Variants in AGPAT4 observed in about 807,000 individuals in gnomAD.
AGPAT4 encodes the protein 1-acyl-sn-glycerol-3-phosphate acyltransferase delta.
A neutral mutation model predicts 48.0 loss-of-function variants in AGPAT4; 15 were observed. That is an observed-to-expected ratio of 0.31 (90% confidence interval 0.21 to 0.48). The LOEUF (loss-of-function observed/expected upper bound fraction) is 0.48, where lower values mean the gene tolerates loss of function less well. AGPAT4 is among the 20% of genes least tolerant of loss of function. AGPAT4 has a pLI of 0.99. For missense variants in AGPAT4, 314 were observed against 482.5 expected (o/e 0.65, Z 3.27); for synonymous variants, 178 against 198.7 (o/e 0.90, Z 0.88).
chr6:161,154,281 C>A lies in AGPAT4; in HGVS notation c.378G>T (p.Leu126=). 6.2e-7 allele frequency: 1 copy of A among 1,614,202 alleles called. No homozygotes were observed. Among genetic ancestry groups the A allele is most frequent in the Non-Finnish European group, 8.5e-7 (1 of 1,180,030 alleles). The change falls in exon 4 of 9, where the codon CTG becomes CTT. Residue 126 remains leucine, a synonymous_variant. Coordinates refer to ENST00000320285, the MANE Select transcript of AGPAT4 (RefSeq NM_020133.3). The surrounding 1 kb of genome is among the most constrained non-coding windows in gnomAD (Gnocchi z 7.8). ...GGSKVLAKKE[L]AYVPIIGWMW... Reference sequence around the variant, plus strand: ...TCCAGCCGATAATTGGGACATAGGCCAGCTCTTTCTTGGCCAGGACCTTGG... The same window carrying A: ...TCCAGCCGATAATTGGGACATAGGCAAGCTCTTTCTTGGCCAGGACCTTGG...
chr6:161,148,178 TA>T lies in AGPAT4; in HGVS notation c.767+1008del, dbSNP rs1241731129. ...CTCACTTTACTCCTAGGAGAAGGTCTAAAGGTCTCCTTCGGGCAGGTGGGTG... is the reference window on the plus strand; with the variant it reads ...CTCACTTTACTCCTAGGAGAAGGTCTAAGGTCTCCTTCGGGCAGGTGGGTG... On this transcript the variant is annotated intron_variant, in intron 6 of 8. Coordinates refer to ENST00000320285, the MANE Select transcript of AGPAT4 (RefSeq NM_020133.3). The surrounding 1 kb of genome is among the most constrained non-coding windows in gnomAD (Gnocchi z 5.5). Among the ~76,000 whole-genome samples the T allele has an allele frequency of 2.6e-5, 4 of 152,336 alleles. No individual in the cohort carries two copies. The highest frequency in any genetic ancestry group is 6.5e-5 in the Admixed American group (1 of 15,308).
rs1415059400 is a variant in AGPAT4 at position 161,238,297 on chromosome 6, A to T, written c.-89-5995T>A. ...CTGCAAGGAGCAAGTATAGTAAAGC[A>T]TTGGAAACACTTGCCAGGATGCCTG... On this transcript the variant is annotated intron_variant, in intron 1 of 8. Transcript: ENST00000320285. This position sits in a 1 kb window ranked among gnomAD's most constrained non-coding sequence, Gnocchi z 5.2. 6.6e-6 allele frequency among the ~76,000 whole-genome samples: 1 copy of T among 152,206 alleles called. No homozygotes were observed. Among genetic ancestry groups the T allele is most frequent in the Non-Finnish European group, 1.5e-5 (1 of 68,040 alleles).
rs1194880645 is a variant in AGPAT4, at chr6:161,232,387, T to C, written c.-89-85A>G. On this transcript the variant is annotated intron_variant, in intron 1 of 8. Coordinates refer to ENST00000320285, the MANE Select transcript of AGPAT4 (RefSeq NM_020133.3). The surrounding 1 kb of genome is among the most constrained non-coding windows in gnomAD (Gnocchi z 6.8). ...AAAAAGTGCTCTGAAAAGAAAAATA[T>C]ACACTTGAGGTTAAACTCATGTGCG... 9.8e-6 allele frequency: 6 copies of C among 614,786 alleles called. No individual in the cohort carries two copies. The African/African-American group carries it at 1.1e-4, about 11-fold the overall frequency. The allele number at this position is 614,786 out of a possible 1,614,324, so 38.1% of individuals were successfully genotyped here.
chr6:161,193,844 G>A (rs1393760181), intron 2 of AGPAT4, among the ~76,000 whole-genome samples: 2 of 142,862 alleles, frequency 1.4e-5, no homozygotes, highest in East Asian at 1.9e-4. Context: ...ACAGCTCTTC[G>A]ATACTTTTAA....
intron 2 of AGPAT4, among the ~76,000 whole-genome samples, chr6:161,174,254 G>A (rs561915409): frequency 1.9e-4 from 29 of 152,194 alleles, no homozygotes; most frequent in East Asian, 9.7e-4. Context: ...CCATTTTCAC[G>A]ATATTTATTC....
rs117582557 is a variant in AGPAT4 at position 161,189,180 on chromosome 6, G to C, written c.179-22763C>G. 7.7e-4 allele frequency among the ~76,000 whole-genome samples: 117 copies of C among 152,346 alleles called. 2 individuals carry two copies. The East Asian group carries it at 0.021, about 28-fold the overall frequency. On this transcript the variant is annotated intron_variant, in intron 2 of 8. Transcript: ENST00000320285. This position sits in a 1 kb window ranked among gnomAD's most constrained non-coding sequence, Gnocchi z 5.3. Reference sequence around the variant, plus strand: ...GAGGCTGGTGAGTGGGCATGCAACAGTGTTGCTAAACCCGGATTGTCTGGC... The same window carrying C: ...GAGGCTGGTGAGTGGGCATGCAACACTGTTGCTAAACCCGGATTGTCTGGC...
In AGPAT4 at chr6:161,232,854, G is replaced by C. The variant is rs768443318; in HGVS notation, c.-89-552C>G. Among the ~76,000 whole-genome samples, 6 of 152,136 alleles carry C rather than the reference G, an allele frequency of 3.9e-5. No individual in the cohort carries two copies. Among genetic ancestry groups the C allele is most frequent in the Admixed American group, 6.5e-5 (1 of 15,276 alleles). ...AAGGACGAGGACATACCCAGAGTGG[G>C]TGCCACCCCTCAAGCAACCGGGACT... On this transcript the variant is annotated intron_variant, in intron 1 of 8. Transcript: ENST00000320285. The surrounding 1 kb of genome is among the most constrained non-coding windows in gnomAD (Gnocchi z 6.8).
chr6:161,261,171 C>T lies in AGPAT4; in HGVS notation c.-90+12767G>A, dbSNP rs916840161. Among the ~76,000 whole-genome samples, 3 of 152,202 alleles carry T rather than the reference C, an allele frequency of 2.0e-5. No homozygotes were observed. Among genetic ancestry groups the T allele is most frequent in the Admixed American group, 6.5e-5 (1 of 15,278 alleles). ...CCAGCTCCTTCTCCTCCCTGCCTCCCGCTGAACAGTCAGGTGCATCTTTCC... is the reference window on the plus strand; with the variant it reads ...CCAGCTCCTTCTCCTCCCTGCCTCCTGCTGAACAGTCAGGTGCATCTTTCC... On this transcript the variant is annotated intron_variant, in intron 1 of 8. Coordinates refer to ENST00000320285, the MANE Select transcript of AGPAT4 (RefSeq NM_020133.3). This position sits in a 1 kb window ranked among gnomAD's most constrained non-coding sequence, Gnocchi z 5.3.
At position 161,245,599 on chromosome 6, in the gene AGPAT4, G is replaced by A. The variant is rs1001614940; in HGVS notation, c.-89-13297C>T. ...GGGCTGCTCAGGGGAGCAGTTTAGG[G>A]GGACACAAGCAAGTGGCCGTTCATT... On this transcript the variant is annotated intron_variant, in intron 1 of 8. Coordinates refer to ENST00000320285, the MANE Select transcript of AGPAT4 (RefSeq NM_020133.3). The surrounding 1 kb of genome is among the most constrained non-coding windows in gnomAD (Gnocchi z 5.2). Among the ~76,000 whole-genome samples the A allele has an allele frequency of 6.6e-5, 10 of 152,218 alleles. No homozygotes were observed. The highest frequency in any genetic ancestry group is 7.4e-5 in the Non-Finnish European group (5 of 68,016).
chr6:161,230,869 C>A (rs1782106104), intron 2 of AGPAT4, among the ~76,000 whole-genome samples: 2 of 152,122 alleles, frequency 1.3e-5, no homozygotes, highest in African/African-American at 4.8e-5. Context: ...AAACTATATC[C>A]AAAATAGTAT....
rs374809137 is a variant in AGPAT4 at position 161,166,383 on chromosome 6, C to T, written c.213G>A (p.Thr71=). Residue 71 remains threonine (T), a synonymous_variant, in exon 3 of 9, where the codon ACG becomes ACA. Coordinates refer to ENST00000320285, the MANE Select transcript of AGPAT4 (RefSeq NM_020133.3). The surrounding 1 kb of genome is among the most constrained non-coding windows in gnomAD (Gnocchi z 6.7). ...LVMLLEWWSG[T]ECTIFTDPRA... is the part of the protein sequence containing the mutation. ...GCGGGTCCGTGAAGATGGTGCATTCCGTGCCCGACCACCACTCCAGCAGCA... is the reference window on the plus strand; with the variant it reads ...GCGGGTCCGTGAAGATGGTGCATTCTGTGCCCGACCACCACTCCAGCAGCA... The T allele has an allele frequency of 1.3e-5, 21 of 1,612,176 alleles. No individual in the cohort carries two copies. Among genetic ancestry groups the T allele is most frequent in the East Asian group, 2.2e-5 (1 of 44,882 alleles).
At position 161,217,361 on chromosome 6, in the gene AGPAT4, T is replaced by C. The variant is rs1389126488; in HGVS notation, c.178+14675A>G. 6.6e-6 allele frequency among the ~76,000 whole-genome samples: 1 copy of C among 152,200 alleles called. No individual in the cohort carries two copies. Among genetic ancestry groups the C allele is most frequent in the Non-Finnish European group, 1.5e-5 (1 of 68,028 alleles). On this transcript the variant is annotated intron_variant, in intron 2 of 8. Transcript: ENST00000320285. This position sits in a 1 kb window ranked among gnomAD's most constrained non-coding sequence, Gnocchi z 4.9. ...GAAAGGGCATCTCACTGTTTGAGCGTGCTTTAAAAAGCCTTATGGTGTGTC... is the reference window on the plus strand; with the variant it reads ...GAAAGGGCATCTCACTGTTTGAGCGCGCTTTAAAAAGCCTTATGGTGTGTC...
chr6:161,153,446 G>A lies in AGPAT4; in HGVS notation c.564C>T (p.Ser188=), dbSNP rs113182811. The A allele has an allele frequency of 5.7e-5, 92 of 1,613,106 alleles. No homozygotes were observed. In the African/African-American group the frequency reaches 7.3e-4, roughly 13 times the overall value. ...TRFTEKKHEI[S]MQVARAKGLP... The stretch of plus-strand genomic sequence containing the variant: ...GCCCCTTGGCCCGGGCCACCTGCAT[G>A]CTGATCTCATGCTTCTTCTCCGTGA... Residue 188 remains serine, a synonymous_variant, in exon 5 of 9, where the codon AGC becomes AGT. Transcript: ENST00000320285.
At chr6:161,209,592 T>C (rs947231286) in intron 2 of AGPAT4, among the ~76,000 whole-genome samples, 1 of 152,072 alleles carries the variant, frequency 6.6e-6, no homozygotes, top group Non-Finnish European at 1.5e-5. Context: ...TTGAGCATGT[T>C]CATAGCATGT....
intron 2 of AGPAT4, among the ~76,000 whole-genome samples, chr6:161,224,658 AAAG>A (rs1469950652): frequency 3.3e-5 from 5 of 151,458 alleles, no homozygotes; most frequent in African/African-American, 1.2e-4. Context: ...AAAAAAAAAA[AAAG>A]AAAGAAAACC....
intron 3 of AGPAT4, among the ~76,000 whole-genome samples, chr6:161,156,775 G>A (rs1233985884): frequency 2.0e-5 from 3 of 152,212 alleles, no homozygotes; most frequent in African/African-American, 7.2e-5. Flanking sequence ...CCAGAATGAG[G>A]GCAAGGAACA....
chr6:161,154,135 T>G lies in AGPAT4; in HGVS notation c.510+14A>C. The stretch of plus-strand genomic sequence containing the variant: ...AGGAGCCCTTGGGACACAGCTGCTC[T>G]GGTGCCTACATACAAAATACTTCTC... On this transcript the variant is annotated intron_variant, in intron 4 of 8. Transcript: ENST00000320285. The surrounding 1 kb of genome is among the most constrained non-coding windows in gnomAD (Gnocchi z 7.8). The G allele has an allele frequency of 6.2e-7, 1 of 1,614,066 alleles. No individual in the cohort carries two copies. Among genetic ancestry groups the G allele is most frequent in the Non-Finnish European group, 8.5e-7 (1 of 1,180,006 alleles).
At position 161,214,080 on chromosome 6, in the gene AGPAT4, C is replaced by G. The variant is rs1196520220; in HGVS notation, c.178+17956G>C. 6.6e-6 allele frequency among the ~76,000 whole-genome samples: 1 copy of G among 152,200 alleles called. No homozygotes were observed. Among genetic ancestry groups the G allele is most frequent in the Non-Finnish European group, 1.5e-5 (1 of 68,038 alleles). On this transcript the variant is annotated intron_variant, in intron 2 of 8. Transcript: ENST00000320285. This position sits in a 1 kb window ranked among gnomAD's most constrained non-coding sequence, Gnocchi z 5.4. The stretch of plus-strand genomic sequence containing the variant: ...GAGATAAATGCATATCTTACTGCCT[C>G]CTTTGGAGAGGCTCATCAGAAACTC...
In AGPAT4 at chr6:161,147,178, G is replaced by A. The variant is rs989248773; in HGVS notation, c.768-579C>T. Among the ~76,000 whole-genome samples the A allele has an allele frequency of 1.3e-5, 2 of 152,090 alleles. No individual in the cohort carries two copies. Among genetic ancestry groups the A allele is most frequent in the African/African-American group, 4.8e-5 (2 of 41,432 alleles). On this transcript the variant is annotated intron_variant, in intron 6 of 8. Transcript: ENST00000320285. This position sits in a 1 kb window ranked among gnomAD's most constrained non-coding sequence, Gnocchi z 4.8. ...AGTTCTCCCAGATGGAAGTAGCCAG[G>A]GCATCTTCCCCAGGCTCCATGGCTC...
Sources: gnomAD v4.1 joint callset for allele counts (sites outside exome capture counted in the v4.1 genomes callset) on GRCh38, gnomAD v4.1.1 for gene constraint, Gnocchi (gnomAD v3.1) non-coding constraint, MANE v1.5 for transcripts, NCBI Gene and HGNC (gene_info 2026-07-23, HGNC 2026-07-21) for gene names.